DGKI: variants seen among roughly 807,000 people sequenced by gnomAD.
The protein encoded by DGKI is DAG kinase iota.
Under a neutral mutation model 147.5 loss-of-function variants are expected in DGKI, and 55 were observed. The observed-to-expected ratio is 0.37, with a 90% CI of 0.30 to 0.47. The LOEUF (loss-of-function observed/expected upper bound fraction) is 0.47. Among genes scored for constraint, DGKI ranks in the 20% least tolerant of loss-of-function variants. DGKI has a pLI of 1.00. For missense variants in DGKI, 1,007 were observed against 1,323.8 expected (o/e 0.76, Z 3.71); for synonymous variants, 469 against 477.1 (o/e 0.98, Z 0.22).
At chr7:137,604,828 T>G (rs1362520519) in intron 10 of DGKI, among the ~76,000 whole-genome samples, 1 of 152,188 alleles carries the variant, frequency 6.6e-6, no homozygotes, top group Non-Finnish European at 1.5e-5. Flanking sequence ...CAGGATTCTA[T>G]AAAACTCAGA....
intron 1 of DGKI, among the ~76,000 whole-genome samples, chr7:137,807,416 G>C (rs796568269): frequency 3.2e-4 from 49 of 152,276 alleles, no homozygotes; most frequent in African/African-American, 1.1e-3. Context: ...ATTTATGCAC[G>C]AGCTACCTCG....
intron 21 of DGKI, chr7:137,493,934 A>G: frequency 3.4e-6 from 2 of 583,652 alleles, no homozygotes; most frequent in Non-Finnish European, 6.1e-6. Flanking sequence ...TAAAGAATAC[A>G]ATAAAATGAT....
chr7:137,447,015 A>G (rs752869362), intron 27 of DGKI, among the ~76,000 whole-genome samples: 2 of 152,210 alleles, frequency 1.3e-5, no homozygotes, highest in African/African-American at 4.8e-5. Context: ...TATTACTAGC[A>G]TTCTTATAGC....
At chr7:137,544,953 G>A (rs1817817612) in intron 20 of DGKI, among the ~76,000 whole-genome samples, 2 of 152,192 alleles carry the variant, frequency 1.3e-5, no homozygotes, top group South Asian at 4.1e-4. Context: ...AGAATTCTTT[G>A]GAAAGGTAAT....
At chr7:137,706,861 C>T (rs1794048269) in intron 1 of DGKI, among the ~76,000 whole-genome samples, 1 of 152,122 alleles carries the variant, frequency 6.6e-6, no homozygotes, top group South Asian at 2.1e-4. Flanking sequence ...CGTGAGCCAC[C>T]ACACCCCGCC....
intron 19 of DGKI, among the ~76,000 whole-genome samples, chr7:137,552,902 G>A (rs535193046): frequency 3.9e-5 from 6 of 151,978 alleles, no homozygotes; most frequent in Non-Finnish European, 5.9e-5. Flanking sequence ...GCAATAGAGC[G>A]AGACTCCATC....
chr7:137,541,504 T>C (rs936678360), intron 20 of DGKI, among the ~76,000 whole-genome samples: 4 of 152,220 alleles, frequency 2.6e-5, no homozygotes, highest in African/African-American at 7.2e-5. Flanking sequence ...AGTATGTACA[T>C]AGGTTATATG....
At chr7:137,650,774 C>T (rs1357615184) in intron 5 of DGKI, among the ~76,000 whole-genome samples, 1 of 152,140 alleles carries the variant, frequency 6.6e-6, no homozygotes, top group Non-Finnish European at 1.5e-5. Flanking sequence ...TGCTTATAAG[C>T]CACCCAGTCC....
At chr7:137,428,112 A>G (rs1188142588) in intron 28 of DGKI, among the ~76,000 whole-genome samples, 6 of 145,094 alleles carry the variant, frequency 4.1e-5, no homozygotes, top group Non-Finnish European at 9.0e-5. Flanking sequence ...AGAGAATTTT[A>G]GACCAATATC....
At chr7:137,669,844 T>C (rs1350364141) in intron 3 of DGKI, among the ~76,000 whole-genome samples, 1 of 152,182 alleles carries the variant, frequency 6.6e-6, no homozygotes, top group East Asian at 1.9e-4. Flanking sequence ...TGTGACTACT[T>C]CAAAATGTTG....
At chr7:137,583,758 C>T (rs1202605981) in intron 14 of DGKI, among the ~76,000 whole-genome samples, 1 of 152,032 alleles carries the variant, frequency 6.6e-6, no homozygotes, top group Non-Finnish European at 1.5e-5. Context: ...ATATGGTACT[C>T]TTCTTTATAC....
intron 13 of DGKI, 66 bp downstream of exon 13, chr7:137,587,031 C>T (rs2128983854): frequency 8.4e-7 from 1 of 1,188,080 alleles, no homozygotes; most frequent in Non-Finnish European, 1.2e-6. Context: ...TCCATTAGAA[C>T]ATCAGTGGAT....
At chr7:137,769,094 A>G (rs1367838564) in intron 1 of DGKI, among the ~76,000 whole-genome samples, 1 of 152,218 alleles carries the variant, frequency 6.6e-6, no homozygotes, top group Admixed American at 6.5e-5. Context: ...GCATTTATGC[A>G]TAGGGATTTC....
chr7:137,414,698 G>A (rs1812293353), intron 28 of DGKI, among the ~76,000 whole-genome samples: 1 of 152,122 alleles, frequency 6.6e-6, no homozygotes, highest in Admixed American at 6.5e-5. Context: ...CCCCCATTGA[G>A]TTCATCATGC....
chr7:137,745,570 G>A (rs1795300374), intron 1 of DGKI, among the ~76,000 whole-genome samples: 1 of 152,194 alleles, frequency 6.6e-6, no homozygotes, highest in Non-Finnish European at 1.5e-5. Context: ...TGCTGTCAGT[G>A]CTACCTGTCC....
At chr7:137,655,577 C>T (rs550493140) in intron 4 of DGKI, among the ~76,000 whole-genome samples, 3 of 152,196 alleles carry the variant, frequency 2.0e-5, no homozygotes, top group East Asian at 1.9e-4. Context: ...ATTGACATTT[C>T]GGTTAGCTAC....
chr7:137,494,186 C>A (rs1815877863), intron 21 of DGKI, among the ~76,000 whole-genome samples: 1 of 152,146 alleles, frequency 6.6e-6, no homozygotes, highest in Admixed American at 6.5e-5. Context: ...GAGACCAAGT[C>A]TATGACTTAT....
At chr7:137,651,297 A>G (rs909676087) in intron 5 of DGKI, among the ~76,000 whole-genome samples, 2 of 152,220 alleles carry the variant, frequency 1.3e-5, no homozygotes, top group African/African-American at 4.8e-5. Flanking sequence ...TAAGGTGCTG[A>G]TAACAGAATT....
At chr7:137,755,733 G>A (rs1374659643) in intron 1 of DGKI, among the ~76,000 whole-genome samples, 2 of 152,148 alleles carry the variant, frequency 1.3e-5, no homozygotes, top group African/African-American at 4.8e-5. Context: ...ATACAGCCTG[G>A]AGGATAATGG....
Sources: allele counts gnomAD v4.1 joint callset (sites outside exome capture counted in the v4.1 genomes callset), GRCh38; gene constraint gnomAD v4.1.1; transcripts MANE v1.5; gene names NCBI Gene and HGNC (gene_info 2026-07-23, HGNC 2026-07-21).